The following NETO1 variants were observed in gnomAD, a reference collection of about 807,000 sequenced individuals.
The protein encoded by NETO1 is neuropilin and tolloid-like protein 1.
A neutral mutation model predicts 61.3 loss-of-function variants in NETO1; 26 were observed. That is an observed-to-expected ratio of 0.42 (90% CI 0.31 to 0.59). NETO1 has a LOEUF of 0.59. Ranked by LOEUF, NETO1 falls within the 20% of genes least tolerant of loss-of-function variation. The pLI, the probability that NETO1 is intolerant of heterozygous loss-of-function variation, is 0.12. For missense variants in NETO1, 531 were observed against 662.8 expected, an observed-to-expected ratio of 0.80 and a Z score of 2.18; for synonymous variants, 225 against 225.8, an observed-to-expected ratio of 1.00 and a Z score of 0.03.
At position 72,794,155 on chromosome 18, in the gene NETO1, C is replaced by A. The variant is rs575450110; in HGVS notation, c.601G>T (p.Asp201Tyr). 1 of 1,614,192 alleles carries A rather than the reference C, an allele frequency of 6.2e-7. No homozygotes were observed. The highest frequency in any genetic ancestry group is 2.2e-5 in the East Asian group (1 of 44,874). ...GGTGCTCGGATGTACCACTTGCAAT[C>A]AACAGCCTCGCTAGCAGTAGCTTTG... ...EGKATASEAVDCKWYIRAPPR... is the reference protein window; with the variant it reads ...EGKATASEAVYCKWYIRAPPR... Residue 201 changes from aspartate to tyrosine, a missense_variant, in exon 6 of 11, where the codon GAT (aspartate) becomes TAT (tyrosine). By Grantham distance (160) the Asp-to-Tyr change is radical. Transcript: ENST00000327305.
chr18:72,827,981 G>A (rs2073439139), intron 4 of NETO1, among the ~76,000 whole-genome samples: 1 of 152,156 alleles, frequency 6.6e-6, no homozygotes, highest in Non-Finnish European at 1.5e-5. Context: ...GCCATATTTG[G>A]AGGAAATTTT....
At chr18:72,842,567 CA>C (rs2073968386) in intron 4 of NETO1, among the ~76,000 whole-genome samples, 1 of 152,054 alleles carries the variant, frequency 6.6e-6, no homozygotes, top group Non-Finnish European at 1.5e-5. Flanking sequence ...GAGCATAAAG[CA>C]AAGATAAATT....
intron 4 of NETO1, among the ~76,000 whole-genome samples, chr18:72,818,172 T>G (rs1173268981): frequency 6.6e-6 from 1 of 152,192 alleles, no homozygotes; most frequent in Non-Finnish European, 1.5e-5. Flanking sequence ...CTAAGATACT[T>G]ACACATAGAG....
intron 4 of NETO1, among the ~76,000 whole-genome samples, chr18:72,846,549 C>T (rs1409853126): frequency 7.5e-6 from 1 of 133,494 alleles, no homozygotes; most frequent in Non-Finnish European, 1.6e-5. Flanking sequence ...ATGCATAGCC[C>T]CTGCTTATGT....
chr18:72,847,554 C>CCCATGCACA (rs1301849815), intron 4 of NETO1, among the ~76,000 whole-genome samples: 5 of 152,164 alleles, frequency 3.3e-5, no homozygotes, highest in Non-Finnish European at 7.3e-5. Flanking sequence ...CCATGCACAT[C>CCCATGCACA]TTTGGGAAGG....
chr18:72,833,834 A>C (rs1283375874), intron 4 of NETO1, among the ~76,000 whole-genome samples: 1 of 152,150 alleles, frequency 6.6e-6, no homozygotes, highest in Non-Finnish European at 1.5e-5. Context: ...TGAAGACTCT[A>C]AACGTCCCTG....
intron 7 of NETO1, among the ~76,000 whole-genome samples, chr18:72,760,107 T>C (rs1352415393): frequency 6.6e-6 from 1 of 152,346 alleles, no homozygotes. Flanking sequence ...TTTCACTTTA[T>C]TGGGTTTATT....
chr18:72,761,313 A>C (rs2070964789), intron 7 of NETO1, among the ~76,000 whole-genome samples: 1 of 152,210 alleles, frequency 6.6e-6, no homozygotes, highest in African/African-American at 2.4e-5. Flanking sequence ...CCTTTGCTAC[A>C]ACCAAGTCTA....
chr18:72,865,062 G>A, intron 2 of NETO1, 117 bp from the exon 3 acceptor site: 1 of 1,411,200 alleles, frequency 7.1e-7, no homozygotes, highest in Non-Finnish European at 9.7e-7. Context: ...TGTTGTCTTA[G>A]CCAAACCAAT....
chr18:72,808,400 C>T (rs1230021444), intron 4 of NETO1, among the ~76,000 whole-genome samples: 2 of 144,272 alleles, frequency 1.4e-5, no homozygotes, highest in East Asian at 4.1e-4. Flanking sequence ...AGGTTGGAAG[C>T]AGTGGTGGCA....
intron 4 of NETO1, among the ~76,000 whole-genome samples, chr18:72,843,110 G>C (rs1286245055): frequency 2.6e-5 from 4 of 152,130 alleles, no homozygotes; most frequent in African/African-American, 9.7e-5. Context: ...AAACATGCTT[G>C]ATAAGAAAGA....
intron 6 of NETO1, among the ~76,000 whole-genome samples, chr18:72,787,627 T>C (rs904079650): frequency 6.6e-6 from 1 of 152,218 alleles, no homozygotes; most frequent in African/African-American, 2.4e-5. Flanking sequence ...TAATGCATTA[T>C]TTCATATCTC....
chr18:72,866,851 T>A, intron 1 of NETO1: 1 of 967,552 alleles, frequency 1.0e-6, no homozygotes. Flanking sequence ...CCTCCTGTAC[T>A]GCGAACAGGG....
At chr18:72,795,937 T>C (rs2072295656) in intron 4 of NETO1, among the ~76,000 whole-genome samples, 1 of 152,192 alleles carries the variant, frequency 6.6e-6, no homozygotes, top group Non-Finnish European at 1.5e-5. Context: ...TGAGGTTTCT[T>C]TGACTTATGA....
chr18:72,826,661 G>C (rs2145348762), intron 4 of NETO1, among the ~76,000 whole-genome samples: 1 of 152,212 alleles, frequency 6.6e-6, no homozygotes, highest in Non-Finnish European at 1.5e-5. Context: ...CAGGTTCACT[G>C]TGTGCTGGTG....
At chr18:72,797,330 A>G (rs993300326) in intron 4 of NETO1, among the ~76,000 whole-genome samples, 3 of 152,236 alleles carry the variant, frequency 2.0e-5, no homozygotes, top group African/African-American at 7.2e-5. Flanking sequence ...TTGTCTTTGT[A>G]TTAATAGTGA....
At chr18:72,850,969 A>G (rs779709320) in intron 4 of NETO1, among the ~76,000 whole-genome samples, 1 of 152,158 alleles carries the variant, frequency 6.6e-6, no homozygotes, top group Non-Finnish European at 1.5e-5. Context: ...GCATGGAACG[A>G]GCTCATTTCT....
At chr18:72,790,320 A>G (rs1364439579) in intron 6 of NETO1, among the ~76,000 whole-genome samples, 2 of 152,164 alleles carry the variant, frequency 1.3e-5, no homozygotes, top group Non-Finnish European at 2.9e-5. Flanking sequence ...AACAAGTATT[A>G]TTTGTCAATT....
intron 7 of NETO1, among the ~76,000 whole-genome samples, chr18:72,770,838 G>A (rs1402172739): frequency 6.6e-6 from 1 of 152,124 alleles, no homozygotes; most frequent in Non-Finnish European, 1.5e-5. Context: ...AAACAGTGTT[G>A]TGAAATATTA....
Sources: gnomAD v4.1 joint callset for allele counts (sites outside exome capture counted in the v4.1 genomes callset) on GRCh38, gnomAD v4.1.1 for gene constraint, MANE v1.5 for transcripts, NCBI Gene and HGNC (gene_info 2026-07-23, HGNC 2026-07-21) for gene names.